The following DPYD variants were observed in gnomAD, a reference collection of about 807,000 sequenced individuals.
DPYD encodes the protein dihydropyrimidine dehydrogenase, also known as dihydropyrimidine dehydrogenase [NADP(+)].
DPYD carries 109 observed loss-of-function variants against 116.2 expected under a neutral mutation model. The observed-to-expected ratio is 0.94, with a 90% CI of 0.80 to 1.10. The LOEUF (loss-of-function observed/expected upper bound fraction) is 1.10, where lower values mean the gene tolerates loss of function less well. Ranked by LOEUF, DPYD falls within the 50% of genes least tolerant of loss-of-function variation. The pLI is 0.00. For missense variants in DPYD, 1,302 were observed against 1,254.5 expected (o/e 1.04, Z -0.57); for synonymous variants, 440 against 432.0 (o/e 1.02, Z -0.23).
At chr1:97,915,016 T>C (rs1176258060) in intron 1 of DPYD, among the ~76,000 whole-genome samples, 1 of 152,194 alleles carries the variant, frequency 6.6e-6, no homozygotes, top group Non-Finnish European at 1.5e-5. Context: ...ATAGACGCAG[T>C]AATAACATTT....
At chr1:97,696,331 A>G (rs1170663964) in intron 6 of DPYD, among the ~76,000 whole-genome samples, 1 of 152,104 alleles carries the variant, frequency 6.6e-6, no homozygotes, top group Non-Finnish European at 1.5e-5. Flanking sequence ...GATCATTGAT[A>G]TGAAGTTTAT....
At chr1:97,420,372 T>C (rs1030532745) in intron 14 of DPYD, among the ~76,000 whole-genome samples, 4 of 152,168 alleles carry the variant, frequency 2.6e-5, no homozygotes, top group African/African-American at 9.7e-5. Context: ...GAGTCTGTGT[T>C]TAATGTGAAA....
intron 20 of DPYD, among the ~76,000 whole-genome samples, chr1:97,173,275 T>C (rs958302065): frequency 8.0e-5 from 12 of 149,792 alleles, no homozygotes; most frequent in South Asian, 4.2e-4. Context: ...TGTACATATA[T>C]ATGCACACAT....
At chr1:97,384,913 A>G (rs1455167739) in intron 14 of DPYD, among the ~76,000 whole-genome samples, 1 of 152,176 alleles carries the variant, frequency 6.6e-6, no homozygotes, top group East Asian at 1.9e-4. Context: ...GATGATGGAT[A>G]GAGAAGGAAA....
In DPYD at chr1:97,543,416, C is replaced by T. The variant is rs148820292; in HGVS notation, c.1524+6144G>A. On this transcript the variant is annotated intron_variant, in intron 12 of 22. Transcript: ENST00000370192. The stretch of plus-strand genomic sequence containing the variant: ...CTCAGAGAAATTGCCTCCACTTTCT[C>T]CCAACATGGATGTCTTCAAACAATC... Among the ~76,000 whole-genome samples the T allele has an allele frequency of 7.6e-3, 1,151 of 152,284 alleles. 8 individuals are homozygous for T. The highest frequency in any genetic ancestry group is 0.013 in the Non-Finnish European group (885 of 68,010).
intron 18 of DPYD, among the ~76,000 whole-genome samples, chr1:97,293,199 T>C (rs1281234422): frequency 1.3e-5 from 2 of 152,240 alleles, no homozygotes; most frequent in Non-Finnish European, 2.9e-5. Flanking sequence ...AATCTCAGTG[T>C]TATATTTATA....
At chr1:97,241,590 T>C (rs769769712) in intron 18 of DPYD, among the ~76,000 whole-genome samples, 3 of 151,964 alleles carry the variant, frequency 2.0e-5, no homozygotes, top group Non-Finnish European at 4.4e-5. Context: ...CTCTGGATTA[T>C]TTTTGCCTAA....
chr1:97,914,368 A>G (rs1674115756), intron 1 of DPYD, among the ~76,000 whole-genome samples: 1 of 152,224 alleles, frequency 6.6e-6, no homozygotes, highest in Non-Finnish European at 1.5e-5. Context: ...CTTAGAAAGA[A>G]GATGAGTTTA....
At chr1:97,911,726 G>C (rs1213279371) in intron 1 of DPYD, among the ~76,000 whole-genome samples, 3 of 152,048 alleles carry the variant, frequency 2.0e-5, no homozygotes, top group Non-Finnish European at 4.4e-5. Flanking sequence ...TTGTTCTTGG[G>C]GTGAGGGTGA....
chr1:97,481,105 T>C (rs1678269182), intron 13 of DPYD, among the ~76,000 whole-genome samples: 2 of 152,156 alleles, frequency 1.3e-5, no homozygotes, highest in African/African-American at 4.8e-5. Context: ...GGCAAATAAT[T>C]CAATAGAAAT....
intron 14 of DPYD, among the ~76,000 whole-genome samples, chr1:97,406,289 TAA>T (rs11366169): frequency 2.5e-4 from 36 of 143,936 alleles, no homozygotes; most frequent in South Asian, 6.5e-4. Flanking sequence ...TTTTTTTTTT[TAA>T]AATTATTAAT....
At chr1:97,490,250 A>G (rs1439123583) in intron 13 of DPYD, among the ~76,000 whole-genome samples, 1 of 151,158 alleles carries the variant, frequency 6.6e-6, no homozygotes, top group African/African-American at 2.4e-5. Context: ...GCTTACTAAC[A>G]GTTTTATCAA....
chr1:97,468,236 C>T (rs894310102), intron 13 of DPYD, among the ~76,000 whole-genome samples: 2 of 152,156 alleles, frequency 1.3e-5, no homozygotes, highest in Non-Finnish European at 2.9e-5. Flanking sequence ...ATACTATTTT[C>T]AAATGTAACA....
chr1:97,807,611 G>A (rs556088888), intron 3 of DPYD, among the ~76,000 whole-genome samples: 1 of 152,072 alleles, frequency 6.6e-6, no homozygotes, highest in African/African-American at 2.4e-5. Flanking sequence ...CCTTGACAGT[G>A]TCTTTTGCAG....
chr1:97,709,242 T>A (rs1260231200), intron 5 of DPYD, among the ~76,000 whole-genome samples: 2 of 151,934 alleles, frequency 1.3e-5, no homozygotes, highest in Admixed American at 1.3e-4. Context: ...TTGATGAATT[T>A]CAAAATTCCT....
intron 18 of DPYD, among the ~76,000 whole-genome samples, chr1:97,258,776 A>G (rs1243667730): frequency 6.6e-6 from 1 of 152,156 alleles, no homozygotes; most frequent in Non-Finnish European, 1.5e-5. Flanking sequence ...TGGACTTTGT[A>G]TATGATGGTG....
At chr1:97,510,250 C>T (rs965541944) in intron 13 of DPYD, among the ~76,000 whole-genome samples, 1 of 151,892 alleles carries the variant, frequency 6.6e-6, no homozygotes, top group Non-Finnish European at 1.5e-5. Context: ...CCTGATTCTC[C>T]ATCCCTGGAG....
intron 14 of DPYD, among the ~76,000 whole-genome samples, chr1:97,444,402 A>T (rs1216144211): frequency 6.6e-6 from 1 of 152,164 alleles, no homozygotes; most frequent in Non-Finnish European, 1.5e-5. Flanking sequence ...ATGGGAAAAA[A>T]AATCTCTGCT....
chr1:97,251,020 T>C (rs1663048604), intron 18 of DPYD, among the ~76,000 whole-genome samples: 1 of 152,146 alleles, frequency 6.6e-6, no homozygotes, highest in Non-Finnish European at 1.5e-5. Context: ...TGAATCCACT[T>C]CTAAAAAATT....
Sources: allele counts gnomAD v4.1 joint callset (sites outside exome capture counted in the v4.1 genomes callset), GRCh38; gene constraint gnomAD v4.1.1; transcripts MANE v1.5; gene names NCBI Gene and HGNC (gene_info 2026-07-23, HGNC 2026-07-21).